Variants in TOX2 observed in about 807,000 individuals in gnomAD.
TOX2 encodes the protein TOX high mobility group box family member 2.
Under a neutral mutation model 47.4 loss-of-function variants are expected in TOX2, and 15 were observed. The observed-to-expected ratio is 0.32, with a 90% CI of 0.21 to 0.49. The LOEUF (loss-of-function observed/expected upper bound fraction) is 0.49. TOX2 is among the 20% of genes least tolerant of loss of function. The pLI is 0.99. For missense variants in TOX2, 622 were observed against 673.1 expected, an observed-to-expected ratio of 0.92 and a Z score of 0.84; for synonymous variants, 290 against 296.6, an observed-to-expected ratio of 0.98 and a Z score of 0.23.
At chr20:44,049,210 G>A (rs572634359) in intron 3 of TOX2, among the ~76,000 whole-genome samples, 4 of 152,338 alleles carry the variant, frequency 2.6e-5, no homozygotes, top group East Asian at 3.9e-4. Flanking sequence ...ACAAGCCTGT[G>A]TAAGATTAAA....
intron 3 of TOX2, among the ~76,000 whole-genome samples, chr20:44,040,361 C>T (rs1424702877): frequency 6.6e-6 from 1 of 152,068 alleles, no homozygotes; most frequent in Non-Finnish European, 1.5e-5. Context: ...GAAGGACTGG[C>T]TGGAGAGGTG....
chr20:43,919,890 A>G (rs765672061), intron 1 of TOX2, among the ~76,000 whole-genome samples: 2 of 152,224 alleles, frequency 1.3e-5, no homozygotes, highest in Non-Finnish European at 1.5e-5. Flanking sequence ...TCCATGGTGT[A>G]TGTGTACCAC....
At chr20:43,938,267 C>A (rs1430563659) in intron 1 of TOX2, among the ~76,000 whole-genome samples, 1 of 152,188 alleles carries the variant, frequency 6.6e-6, no homozygotes, top group Non-Finnish European at 1.5e-5. Context: ...AAGGGCCTGG[C>A]ACAGATGCGG....
At chr20:44,053,844 C>T (rs998539268) in intron 4 of TOX2, among the ~76,000 whole-genome samples, 3 of 137,052 alleles carry the variant, frequency 2.2e-5, no homozygotes, top group Admixed American at 7.7e-5. Flanking sequence ...TTACCTTGGG[C>T]GGGGGAGGGG....
chr20:44,065,595 CCCAAGACA>C, intron 6 of TOX2, 109 bp from the exon 7 acceptor site: 1 of 1,293,806 alleles, frequency 7.7e-7, no homozygotes, highest in African/African-American at 1.5e-5. Flanking sequence ...CAAGCTCTCT[CCCAAGACA>C]GCCAGCCAGC....
At chr20:44,033,952 G>A (rs1400203863) in intron 3 of TOX2, among the ~76,000 whole-genome samples, 1 of 152,210 alleles carries the variant, frequency 6.6e-6, no homozygotes, top group Non-Finnish European at 1.5e-5. Flanking sequence ...AGGCAGATAT[G>A]CTGCAGATCA....
intron 3 of TOX2, among the ~76,000 whole-genome samples, chr20:44,012,497 GCCCTGTGGGT>G (rs1431448947): frequency 1.3e-5 from 2 of 152,182 alleles, no homozygotes; most frequent in African/African-American, 4.8e-5. Flanking sequence ...CCTGCACCAA[GCCCTGTGGGT>G]CCCTGGAGTT....
chr20:44,026,982 G>A (rs944861012), intron 3 of TOX2, among the ~76,000 whole-genome samples: 8 of 152,160 alleles, frequency 5.3e-5, no homozygotes, highest in South Asian at 4.1e-4. Context: ...CACTTTTCTC[G>A]AGAGTTCATA....
intron 1 of TOX2, among the ~76,000 whole-genome samples, chr20:43,943,592 G>T (rs924113508): frequency 9.9e-5 from 15 of 152,254 alleles, no homozygotes; most frequent in African/African-American, 3.6e-4. Context: ...ATCACACATT[G>T]CTCCAGCTTC....
chr20:43,954,293 C>T (rs527599226), intron 1 of TOX2, among the ~76,000 whole-genome samples: 10 of 152,356 alleles, frequency 6.6e-5, no homozygotes, highest in African/African-American at 2.4e-4. Context: ...TCTCTCTCTT[C>T]TGGGCTCCCT....
chr20:43,950,509 G>A (rs147208010), intron 1 of TOX2, among the ~76,000 whole-genome samples: 240 of 151,168 alleles, frequency 1.6e-3, no homozygotes, highest in African/African-American at 5.4e-3. Flanking sequence ...TGCTCTGCCT[G>A]TCTTTGCTGG....
At chr20:44,032,096 C>A (rs996391045) in intron 3 of TOX2, among the ~76,000 whole-genome samples, 2 of 151,930 alleles carry the variant, frequency 1.3e-5, no homozygotes, top group Non-Finnish European at 2.9e-5. Context: ...GGCAGGGGAG[C>A]GGGTTGCAGT....
chr20:44,061,932 T>G (rs2071724390), intron 5 of TOX2, among the ~76,000 whole-genome samples: 1 of 140,330 alleles, frequency 7.1e-6, no homozygotes, highest in African/African-American at 2.8e-5. Context: ...GAGCATCCCT[T>G]TGATTAAAAC....
At chr20:43,990,366 G>C (rs1240108030) in intron 2 of TOX2, among the ~76,000 whole-genome samples, 1 of 152,152 alleles carries the variant, frequency 6.6e-6, no homozygotes, top group African/African-American at 2.4e-5. Flanking sequence ...TAGGGGAGTG[G>C]ATGAGCTCTG....
chr20:43,943,037 A>G (rs915417213), intron 1 of TOX2, among the ~76,000 whole-genome samples: 1 of 152,158 alleles, frequency 6.6e-6, no homozygotes, highest in African/African-American at 2.4e-5. Context: ...CAACGGCAAG[A>G]GCACTGCACC....
intron 5 of TOX2, among the ~76,000 whole-genome samples, chr20:44,055,223 C>T (rs1266778011): frequency 6.6e-6 from 1 of 152,192 alleles, no homozygotes; most frequent in Non-Finnish European, 1.5e-5. Flanking sequence ...AAGCAGGAGG[C>T]TCAACTGGGC....
intron 3 of TOX2, among the ~76,000 whole-genome samples, chr20:44,042,375 C>G (rs2071346560): frequency 6.6e-6 from 1 of 152,212 alleles, no homozygotes; most frequent in African/African-American, 2.4e-5. Context: ...TATGTGACCA[C>G]TGGATGTAAA....
intron 3 of TOX2, among the ~76,000 whole-genome samples, chr20:44,030,971 C>T (rs2071141115): frequency 1.3e-5 from 2 of 152,118 alleles, no homozygotes; most frequent in Admixed American, 6.5e-5. Flanking sequence ...TCAGTAACAA[C>T]TGGGGAGGCA....
chr20:44,051,653 G>A (rs2071514434), intron 4 of TOX2, 108 bp downstream of exon 4: 21 of 1,460,588 alleles, frequency 1.4e-5, no homozygotes, highest in Non-Finnish European at 1.8e-5. Context: ...AGAAAAGCCT[G>A]ATGTCCCAAG....
Sources: allele counts gnomAD v4.1 joint callset (sites outside exome capture counted in the v4.1 genomes callset), GRCh38; gene constraint gnomAD v4.1.1; transcripts MANE v1.5; gene names NCBI Gene and HGNC (gene_info 2026-07-23, HGNC 2026-07-21).